The following MTUS2 variants were observed in gnomAD, a reference collection of about 807,000 sequenced individuals.
MTUS2 encodes the protein microtubule associated scaffold protein 2.
In MTUS2, 40 loss-of-function variants were observed where a neutral mutation model predicts 114.1. That is an observed-to-expected ratio of 0.35 (90% CI 0.27 to 0.46). MTUS2 has a LOEUF of 0.46. Among genes scored for constraint, MTUS2 ranks in the 20% least tolerant of loss-of-function variants. The pLI is 1.00. For synonymous variants in MTUS2, 688 were observed against 672.0 expected (o/e 1.02, Z -0.37); for missense variants, 1,679 against 1,705.4 (o/e 0.98, Z 0.27).
intron 2 of MTUS2, among the ~76,000 whole-genome samples, chr13:28,980,628 A>G (rs111796194): frequency 0.012 from 1,888 of 152,260 alleles, 34 homozygotes; most frequent in African/African-American, 0.043. Flanking sequence ...ATTGTTTCCA[A>G]TGTTTTTCTT....
intron 5 of MTUS2, among the ~76,000 whole-genome samples, chr13:29,240,653 G>A (rs1896698405): frequency 6.6e-6 from 1 of 152,180 alleles, no homozygotes; most frequent in Admixed American, 6.5e-5. Flanking sequence ...AAATTTCAGT[G>A]TGTTATCATC....
chr13:29,269,783 A>G (rs1012940139), intron 5 of MTUS2, among the ~76,000 whole-genome samples: 3 of 152,234 alleles, frequency 2.0e-5, no homozygotes, highest in Non-Finnish European at 4.4e-5. Context: ...GGCACTATTC[A>G]TAATAGTCAC....
intron 8 of MTUS2, among the ~76,000 whole-genome samples, chr13:29,372,194 G>A (rs1207514363): frequency 6.6e-6 from 1 of 151,494 alleles, no homozygotes; most frequent in Admixed American, 6.6e-5. Context: ...AATCTAGTGT[G>A]CACCTGCCAC....
In MTUS2 at chr13:28,854,305, A is replaced by G. The variant is rs538093165; in HGVS notation, c.-243+14455A>G. Among the ~76,000 whole-genome samples, 10 of 152,308 alleles carry G rather than the reference A, an allele frequency of 6.6e-5. No individual in the cohort carries two copies. The South Asian group carries it at 2.1e-3, about 32-fold the overall frequency. On this transcript the variant is annotated intron_variant, in intron 2 of 15. Transcript: ENST00000612955. Reference sequence around the variant, plus strand: ...AGGAAGTCATTTCTCTCCACAAGAAATTGTGGAACTAAAGATGTCTGATTT... The same window carrying G: ...AGGAAGTCATTTCTCTCCACAAGAAGTTGTGGAACTAAAGATGTCTGATTT...
chr13:29,179,315 A>T (rs1194577893), intron 5 of MTUS2, among the ~76,000 whole-genome samples: 1 of 152,252 alleles, frequency 6.6e-6, no homozygotes, highest in Non-Finnish European at 1.5e-5. Context: ...AACCTGAGTT[A>T]ATATGGTATG....
At chr13:28,909,792 C>A (rs1880289086) in intron 2 of MTUS2, among the ~76,000 whole-genome samples, 1 of 152,194 alleles carries the variant, frequency 6.6e-6, no homozygotes, top group African/African-American at 2.4e-5. Flanking sequence ...ATCGTCTCAG[C>A]CCAAAATCTC....
chr13:28,893,812 T>C lies in MTUS2; in HGVS notation c.-243+53962T>C, dbSNP rs112104404. Among the ~76,000 whole-genome samples, 968 of 152,324 alleles carry C rather than the reference T, an allele frequency of 6.4e-3. 5 individuals carry two copies. The highest frequency in any genetic ancestry group is 0.011 in the Non-Finnish European group (720 of 68,032). On this transcript the variant is annotated intron_variant, in intron 2 of 15. Transcript: ENST00000612955. The stretch of plus-strand genomic sequence containing the variant: ...TAGAACATGATTATAATTATTCTTA[T>C]CCTTGAGTTGTGAGTCTTGGTTTCT...
chr13:28,942,555 A>C (rs967780354), intron 2 of MTUS2, among the ~76,000 whole-genome samples: 2 of 152,260 alleles, frequency 1.3e-5, no homozygotes, highest in African/African-American at 2.4e-5. Context: ...CCAAACTGGA[A>C]ACAACCCAGA....
At chr13:29,489,137 T>C (rs1881861431) in intron 11 of MTUS2, among the ~76,000 whole-genome samples, 1 of 151,978 alleles carries the variant, frequency 6.6e-6, no homozygotes, top group Non-Finnish European at 1.5e-5. Context: ...ATACAAAAAT[T>C]AGCCAGGCGC....
chr13:29,394,099 G>T (rs1194649802), intron 8 of MTUS2, among the ~76,000 whole-genome samples: 1 of 152,096 alleles, frequency 6.6e-6, no homozygotes. Flanking sequence ...TGTCCACAGG[G>T]TTGATACTAC....
At chr13:29,233,281 C>T (rs1408635944) in intron 5 of MTUS2, among the ~76,000 whole-genome samples, 1 of 150,888 alleles carries the variant, frequency 6.6e-6, no homozygotes, top group Non-Finnish European at 1.5e-5. Context: ...GAGCCTAGCA[C>T]AGTTGGACAT....
At chr13:28,919,667 A>G (rs1880937859) in intron 2 of MTUS2, among the ~76,000 whole-genome samples, 1 of 151,940 alleles carries the variant, frequency 6.6e-6, no homozygotes, top group African/African-American at 2.4e-5. Flanking sequence ...TTCTACCCCT[A>G]TCTCTGTCTC....
chr13:29,425,273 C>T (rs1458085797), intron 8 of MTUS2, among the ~76,000 whole-genome samples: 1 of 151,920 alleles, frequency 6.6e-6, no homozygotes. Flanking sequence ...ATTACCTGGG[C>T]GTGATGGCAC....
chr13:29,046,694 CTT>C, intron 4 of MTUS2, among the ~76,000 whole-genome samples: 1 of 152,144 alleles, frequency 6.6e-6, no homozygotes, highest in Non-Finnish European at 1.5e-5. Flanking sequence ...CTGGATCAAT[CTT>C]TTATTCTTTG....
Position 29,505,162 on chromosome 13 carries a change from A to G in MTUS2, c.*1956A>G, listed in dbSNP as rs574431625. 5 of 232,026 alleles carry G rather than the reference A, an allele frequency of 2.2e-5. No homozygotes were observed. Among genetic ancestry groups the G allele is most frequent in the East Asian group, 6.1e-5 (1 of 16,338 alleles). The allele number at this position is 232,026 out of a possible 1,614,324, so 14.4% of individuals were successfully genotyped here. On this transcript the variant is annotated 3_prime_UTR_variant, in exon 16 of 16. Coordinates refer to ENST00000612955, the MANE Select transcript of MTUS2 (RefSeq NM_001033602.4). Reference sequence around the variant, plus strand: ...AGATCTTGCCACATTGACTAAATACACAAGTATTTATTCTAGTAGCAGGCA... The same window carrying G: ...AGATCTTGCCACATTGACTAAATACGCAAGTATTTATTCTAGTAGCAGGCA...
chr13:28,947,515 A>G (rs191169250), intron 2 of MTUS2, among the ~76,000 whole-genome samples: 7 of 152,314 alleles, frequency 4.6e-5, no homozygotes, highest in Admixed American at 4.6e-4. Flanking sequence ...CAAAGTGTCT[A>G]CCAAAGCCAC....
chr13:29,405,843 C>T (rs1296240563), intron 8 of MTUS2, among the ~76,000 whole-genome samples: 2 of 149,744 alleles, frequency 1.3e-5, no homozygotes, highest in East Asian at 2.0e-4. Context: ...CGGGTTTAAG[C>T]GACTCTCCTG....
chr13:29,237,185 A>G (rs1896566706), intron 5 of MTUS2, among the ~76,000 whole-genome samples: 1 of 152,168 alleles, frequency 6.6e-6, no homozygotes, highest in African/African-American at 2.4e-5. Context: ...GTTCTTTAAC[A>G]TTTTAGAATC....
At chr13:29,084,784 C>CG (rs1254964417) in intron 4 of MTUS2, among the ~76,000 whole-genome samples, 1 of 110,346 alleles carries the variant, frequency 9.1e-6, no homozygotes, top group African/African-American at 3.9e-5. Context: ...GTGATCCACC[C>CG]CCCCCCCTCA....
Sources: allele counts gnomAD v4.1 joint callset (sites outside exome capture counted in the v4.1 genomes callset), GRCh38; gene constraint gnomAD v4.1.1; transcripts MANE v1.5; gene names NCBI Gene and HGNC (gene_info 2026-07-23, HGNC 2026-07-21).